GSE1: variants seen among roughly 807,000 people sequenced by gnomAD.
GSE1 encodes the protein genetic suppressor element 1.
A neutral mutation model predicts 112.6 loss-of-function variants in GSE1; 32 were observed. That is an observed-to-expected ratio of 0.28 (90% confidence interval 0.21 to 0.38). GSE1 has a LOEUF of 0.38. Ranked by LOEUF, GSE1 falls within the 10% of genes least tolerant of loss-of-function variation. The probability of loss-of-function intolerance (pLI) is 1.00; values close to 1 mark genes in which losing one functional copy is unlikely to be tolerated. For synonymous variants in GSE1, 1,115 were observed against 735.6 expected, an observed-to-expected ratio of 1.52 and a Z score of -8.35; for missense variants, 2,348 against 1,699.2, an observed-to-expected ratio of 1.38 and a Z score of -6.71.
At chr16:85,329,410 G>A (rs149308103) in intron 1 of GSE1, among the ~76,000 whole-genome samples, 1 of 152,192 alleles carries the variant, frequency 6.6e-6, no homozygotes, top group East Asian at 2.0e-4. Context: ...GCTAAGCCTG[G>A]AACAGCCCCA....
Position 85,396,232 on chromosome 16 carries a change from A to T in GSE1, c.2464+38589A>T, listed in dbSNP as rs564316292. Among the ~76,000 whole-genome samples the T allele has an allele frequency of 2.8e-3, 434 of 152,302 alleles. 3 individuals carry two copies. Among genetic ancestry groups the T allele is most frequent in the Non-Finnish European group, 1.2e-3 (82 of 68,020 alleles). ...TCCCCAAGTCCATGGAGGCAGGAGG[A>T]TAACACGCTGTCCTGCTCACTCAGC... On this transcript the variant is annotated intron_variant, in intron 2 of 2. Transcript: ENST00000637419.
intron 2 of GSE1, among the ~76,000 whole-genome samples, chr16:85,404,545 A>G (rs375579966): frequency 1.7e-3 from 73 of 42,168 alleles, no homozygotes; most frequent in African/African-American, 2.4e-3. Context: ...GATAATCCTC[A>G]CTGTTACTCT....
At chr16:85,405,318 C>T (rs1373093669) in intron 2 of GSE1, among the ~76,000 whole-genome samples, 1 of 3,104 alleles carries the variant, frequency 3.2e-4, no homozygotes, top group African/African-American at 4.5e-4. Flanking sequence ...ACACTCAGGG[C>T]CCCCCTGGAT....
At chr16:85,475,863 A>G (rs1248824663) in intron 2 of GSE1, among the ~76,000 whole-genome samples, 1 of 149,374 alleles carries the variant, frequency 6.7e-6, no homozygotes, top group Non-Finnish European at 1.5e-5. Flanking sequence ...GGCTCAAGTG[A>G]TCGTTCCACC....
At chr16:85,624,875 GC>G (rs1332587394) in intron 1 of GSE1, among the ~76,000 whole-genome samples, 2 of 152,212 alleles carry the variant, frequency 1.3e-5, no homozygotes, top group East Asian at 3.8e-4. Context: ...GCATGGGTGA[GC>G]CCCCGGCTCT....
chr16:85,653,570 C>T (rs947433136), intron 3 of GSE1, among the ~76,000 whole-genome samples: 2 of 151,756 alleles, frequency 1.3e-5, no homozygotes, highest in African/African-American at 4.8e-5. Context: ...CCCAGGTCCA[C>T]TGTGTCCAGG....
intron 1 of GSE1, among the ~76,000 whole-genome samples, chr16:85,259,026 G>A (rs572151787): frequency 6.6e-6 from 1 of 152,316 alleles, no homozygotes; most frequent in Non-Finnish European, 1.5e-5. Context: ...AGGCTGGGGA[G>A]AAGTTCCCCA....
chr16:85,267,698 G>T (rs1908400011), intron 1 of GSE1, among the ~76,000 whole-genome samples: 1 of 152,058 alleles, frequency 6.6e-6, no homozygotes, highest in Non-Finnish European at 1.5e-5. Flanking sequence ...AGCTTTCCCT[G>T]ACCCCTGGGT....
chr16:85,356,324 C>T (rs564409742), intron 1 of GSE1, among the ~76,000 whole-genome samples: 24 of 152,354 alleles, frequency 1.6e-4, no homozygotes, highest in East Asian at 1.9e-4. Context: ...CCCTGAGGCC[C>T]GGGGCTGCAC....
chr16:85,664,556 G>C (rs2052681942), intron 11 of GSE1: 1 of 154,106 alleles, frequency 6.5e-6, no homozygotes, highest in East Asian at 1.9e-4. Context: ...GGTGACATCA[G>C]GGATCTGCTG....
intron 1 of GSE1, among the ~76,000 whole-genome samples, chr16:85,223,850 C>G (rs1376997750): frequency 6.6e-6 from 1 of 152,074 alleles, no homozygotes; most frequent in Non-Finnish European, 1.5e-5. Context: ...AGCGATCCAC[C>G]CATCTTGGCC....
rs534122251 is a variant in GSE1, at chr16:85,370,739, G to C, written c.2464+13096G>C. On this transcript the variant is annotated intron_variant, in intron 2 of 2. Transcript: ENST00000637419. ...GGACACTGCAGAAGGCCTGGAGTGA[G>C]AACCCAGTGTGTGCTGCTGGATGAC... 4.6e-5 allele frequency among the ~76,000 whole-genome samples: 7 copies of C among 152,340 alleles called. No individual in the cohort carries two copies. In the South Asian group the frequency reaches 1.5e-3, roughly 32 times the overall value.
At chr16:85,226,760 TGTGTGTGTG>T (rs1484635763) in intron 1 of GSE1, among the ~76,000 whole-genome samples, 2 of 3,320 alleles carry the variant, frequency 6.0e-4, no homozygotes, top group Admixed American at 5.6e-3. Context: ...CCTGGACTGG[TGTGTGTGTG>T]TGTGTGTGTG....
intron 1 of GSE1, chr16:85,285,125 C>G (rs1176389533): frequency 6.6e-6 from 1 of 152,236 alleles, no homozygotes; most frequent in African/African-American, 2.4e-5. Context: ...CCAGGTGAAG[C>G]CTGGCAGATG....
chr16:85,353,905 C>T (rs1374505153), intron 1 of GSE1, among the ~76,000 whole-genome samples: 3 of 152,240 alleles, frequency 2.0e-5, no homozygotes, highest in Non-Finnish European at 4.4e-5. Context: ...AGAGCAGGAG[C>T]CCGTCCAAGC....
At chr16:85,300,525 G>T (rs1470543998) in intron 1 of GSE1, among the ~76,000 whole-genome samples, 1 of 152,202 alleles carries the variant, frequency 6.6e-6, no homozygotes. Flanking sequence ...GACATTTCAT[G>T]TGAATGGACT....
chr16:85,169,978 G>C (rs2074332210), exon 1 of GSE1: 1 of 984,530 alleles, frequency 1.0e-6, no homozygotes, highest in Admixed American at 6.2e-5. Flanking sequence ...CGGCGACGAC[G>C]ACGAGGACGA....
chr16:85,337,643 C>T (rs1463136984), intron 1 of GSE1, among the ~76,000 whole-genome samples: 2 of 150,894 alleles, frequency 1.3e-5, no homozygotes, highest in South Asian at 2.1e-4. Flanking sequence ...GGGGACCTGG[C>T]GCAGGGATGG....
chr16:85,362,499 T>C (rs1290395085), intron 2 of GSE1, among the ~76,000 whole-genome samples: 1 of 152,214 alleles, frequency 6.6e-6, no homozygotes, highest in Non-Finnish European at 1.5e-5. Flanking sequence ...TTCCCGGCCA[T>C]GGAGCCTTCT....
Sources: gnomAD v4.1 joint callset for allele counts (sites outside exome capture counted in the v4.1 genomes callset) on GRCh38, gnomAD v4.1.1 for gene constraint, MANE v1.5 for transcripts, NCBI Gene and HGNC (gene_info 2026-07-23, HGNC 2026-07-21) for gene names.